Variants in BMP7 observed in about 807,000 individuals in gnomAD.
The protein encoded by BMP7 is bone morphogenetic protein 7, also known as osteogenic protein 1.
Under a neutral mutation model 41.2 loss-of-function variants are expected in BMP7, and 12 were observed. The ratio of observed to expected loss-of-function variants is 0.29; its 90% CI spans 0.19 to 0.47. The LOEUF (loss-of-function observed/expected upper bound fraction) is 0.47. Ranked by LOEUF, BMP7 falls within the 20% of genes least tolerant of loss-of-function variation. The pLI is 0.99. For missense variants in BMP7, 467 were observed against 606.0 expected (o/e 0.77, Z 2.41); for synonymous variants, 248 against 250.0 (o/e 0.99, Z 0.07).
At chr20:57,200,767 C>A (rs1367337449) in intron 3 of BMP7, among the ~76,000 whole-genome samples, 16 of 152,094 alleles carry the variant, frequency 1.1e-4, no homozygotes, top group Non-Finnish European at 1.0e-4. Context: ...TGCACTCCAG[C>A]CTGGGTGACA....
At chr20:57,262,014 T>C (rs75695105) in intron 1 of BMP7, among the ~76,000 whole-genome samples, 5,918 of 152,308 alleles carry the variant, frequency 0.039, 245 homozygotes, top group African/African-American at 0.11. Flanking sequence ...ACTCCAATAA[T>C]GATAGGTTTC....
In BMP7 at chr20:57,236,934, A is replaced by T. The variant is rs532911031; in HGVS notation, c.419-8513T>A. On this transcript the variant is annotated intron_variant, in intron 1 of 6. Transcript: ENST00000395863. ...GTTGATAAATGGATAGTAAATAATCACCCAGCAGCTCCTTCCAAAACTTTA... is the reference window on the plus strand; with the variant it reads ...GTTGATAAATGGATAGTAAATAATCTCCCAGCAGCTCCTTCCAAAACTTTA... Among the ~76,000 whole-genome samples the T allele has an allele frequency of 6.6e-5, 10 of 152,344 alleles. No individual in the cohort carries two copies. The East Asian group carries it at 1.9e-3, about 29-fold the overall frequency.
chr20:57,201,916 A>C (rs1271293051), intron 3 of BMP7, among the ~76,000 whole-genome samples: 1 of 152,180 alleles, frequency 6.6e-6, no homozygotes, highest in African/African-American at 2.4e-5. Context: ...GGAACTGGAG[A>C]GTCAGACGCA....
chr20:57,182,031 G>A (rs529730474), intron 4 of BMP7, among the ~76,000 whole-genome samples: 3 of 152,306 alleles, frequency 2.0e-5, no homozygotes, highest in South Asian at 2.1e-4. Flanking sequence ...CGGCACCCCC[G>A]GGCAGCAGCT....
intron 4 of BMP7, 62 bp from the exon 5 acceptor site, chr20:57,175,069 A>G (rs563837208): frequency 3.3e-6 from 5 of 1,508,382 alleles, no homozygotes; most frequent in Admixed American, 1.8e-5. Flanking sequence ...CACACACATC[A>G]AAGTTCCCTC....
At chr20:57,184,986 C>T (rs1469210484) in intron 3 of BMP7, among the ~76,000 whole-genome samples, 2 of 152,180 alleles carry the variant, frequency 1.3e-5, no homozygotes, top group Non-Finnish European at 2.9e-5. Flanking sequence ...CTGGTCAGGA[C>T]ACCAAGGCGC....
chr20:57,236,628 G>A (rs2066048701), intron 1 of BMP7, among the ~76,000 whole-genome samples: 1 of 152,172 alleles, frequency 6.6e-6, no homozygotes, highest in African/African-American at 2.4e-5. Flanking sequence ...AGGACTGGCA[G>A]GGCAAGATGG....
intron 3 of BMP7, among the ~76,000 whole-genome samples, chr20:57,186,069 C>T (rs1984203887): frequency 1.3e-5 from 2 of 152,136 alleles, no homozygotes; most frequent in Admixed American, 6.5e-5. Flanking sequence ...AATGCTAGCT[C>T]AGGGCAGTGG....
chr20:57,260,428 A>T (rs2066149528), intron 1 of BMP7, among the ~76,000 whole-genome samples: 1 of 151,872 alleles, frequency 6.6e-6, no homozygotes, highest in African/African-American at 2.4e-5. Flanking sequence ...CCTCAGCTCA[A>T]CTCCACGTTG....
chr20:57,240,127 A>G (rs1489869261), intron 1 of BMP7, among the ~76,000 whole-genome samples: 1 of 152,194 alleles, frequency 6.6e-6, no homozygotes. Context: ...AAATTTTCTG[A>G]ACTTTTATGC....
intron 3 of BMP7, among the ~76,000 whole-genome samples, chr20:57,194,907 G>A (rs1984457072): frequency 6.6e-6 from 1 of 152,208 alleles, no homozygotes. Context: ...GGCGATGGCA[G>A]GGAAAAGGAT....
intron 1 of BMP7, among the ~76,000 whole-genome samples, chr20:57,264,709 C>T (rs1391408275): frequency 6.6e-6 from 1 of 152,240 alleles, no homozygotes; most frequent in South Asian, 2.1e-4. Context: ...TCTGCCGGCC[C>T]GGGACCTACC....
chr20:57,246,846 G>A (rs1285876632), intron 1 of BMP7, among the ~76,000 whole-genome samples: 7 of 152,004 alleles, frequency 4.6e-5, no homozygotes, highest in Admixed American at 1.3e-4. Flanking sequence ...AAAATTAGCC[G>A]GGCATGGTGG....
intron 2 of BMP7, among the ~76,000 whole-genome samples, chr20:57,211,500 C>G (rs1184083136): frequency 6.6e-6 from 1 of 152,210 alleles, no homozygotes; most frequent in African/African-American, 2.4e-5. Context: ...GGTCCTGACC[C>G]AGGAAGCTGT....
intron 1 of BMP7, among the ~76,000 whole-genome samples, chr20:57,238,997 A>G (rs2066058863): frequency 6.6e-6 from 1 of 151,940 alleles, no homozygotes; most frequent in African/African-American, 2.4e-5. Context: ...AGCCAAACCC[A>G]TTTCACCCCT....
chr20:57,221,714 G>C (rs1423708073), intron 2 of BMP7, among the ~76,000 whole-genome samples: 2 of 151,848 alleles, frequency 1.3e-5, no homozygotes, highest in African/African-American at 4.8e-5. Context: ...GAGAGGCTCA[G>C]GTGGGACGAT....
chr20:57,219,672 A>G (rs1402180703), intron 2 of BMP7, among the ~76,000 whole-genome samples: 2 of 152,152 alleles, frequency 1.3e-5, no homozygotes, highest in East Asian at 3.9e-4. Context: ...TAAACACTTC[A>G]GCTCTCTTGA....
At chr20:57,220,042 CAGG>C (rs752172462) in intron 2 of BMP7, among the ~76,000 whole-genome samples, 1 of 152,108 alleles carries the variant, frequency 6.6e-6, no homozygotes, top group Non-Finnish European at 1.5e-5. Context: ...GCCTTGGTCC[CAGG>C]AGGAGAAGGG....
Position 57,228,323 on chromosome 20 carries a change from C to T in BMP7, c.517G>A (p.Glu173Lys). Residue 173 changes from glutamate (E) to lysine (K), a missense_variant, in exon 2 of 7, where the codon GAA becomes AAA. Physicochemically the swap from Glu to Lys is moderately conservative, Grantham distance 56. This residue lies in a region of BMP7 where 407 missense variants were observed against 485.9 expected (regional missense o/e 0.84). Coordinates refer to ENST00000395863, the MANE Select transcript of BMP7 (RefSeq NM_001719.3). This position sits in a 1 kb window ranked among gnomAD's most constrained non-coding sequence, Gnocchi z 4.5. ...IPEGEAVTAA[E>K]FRIYKDYIRE... ...ATGTAGTCCTTGTAGATCCGGAATT[C>T]GGCTGCCGTGACAGCTTCCCCTTCT... 6.2e-7 allele frequency: 1 copy of T among 1,614,024 alleles called. No homozygotes were observed. The highest frequency in any genetic ancestry group is 8.5e-7 in the Non-Finnish European group (1 of 1,179,996).
Sources: allele counts gnomAD v4.1 joint callset (sites outside exome capture counted in the v4.1 genomes callset), GRCh38; gene constraint gnomAD v4.1.1; regional missense constraint gnomAD v4.1.1; non-coding constraint Gnocchi (gnomAD v3.1); transcripts MANE v1.5; gene names NCBI Gene and HGNC (gene_info 2026-07-23, HGNC 2026-07-21).